Variants in DPYD observed in about 807,000 individuals in gnomAD.
DPYD encodes the protein dihydropyrimidine dehydrogenase.
DPYD carries 109 observed loss-of-function variants against 116.2 expected under a neutral mutation model. The ratio of observed to expected loss-of-function variants is 0.94; its 90% CI spans 0.80 to 1.10. The LOEUF (loss-of-function observed/expected upper bound fraction) is 1.10. Among genes scored for constraint, DPYD ranks in the 50% least tolerant of loss-of-function variants. The pLI is 0.00. For synonymous variants in DPYD, 440 were observed against 432.0 expected (o/e 1.02, Z -0.23); for missense variants, 1,302 against 1,254.5 (o/e 1.04, Z -0.57).
chr1:97,103,851 C>T (rs1385689664), intron 20 of DPYD, among the ~76,000 whole-genome samples: 1 of 152,072 alleles, frequency 6.6e-6, no homozygotes, highest in Non-Finnish European at 1.5e-5. Flanking sequence ...AAATGCATGC[C>T]TGCCAATTTA....
At chr1:97,578,353 G>A (rs1419603668) in intron 10 of DPYD, among the ~76,000 whole-genome samples, 5 of 151,912 alleles carry the variant, frequency 3.3e-5, no homozygotes, top group South Asian at 4.1e-4. Context: ...GCTTCAAACC[G>A]ACTTTGTCTC....
intron 20 of DPYD, among the ~76,000 whole-genome samples, chr1:97,141,344 G>T (rs969938618): frequency 6.6e-6 from 1 of 151,986 alleles, no homozygotes. Context: ...TTACCTCCCT[G>T]ACTTTGTCTC....
At chr1:97,228,227 T>C (rs1255176845) in intron 19 of DPYD, among the ~76,000 whole-genome samples, 1 of 151,954 alleles carries the variant, frequency 6.6e-6, no homozygotes, top group East Asian at 1.9e-4. Context: ...TACATATTTA[T>C]TAAAAAATGA....
chr1:97,300,599 A>C (rs373049844), intron 18 of DPYD, among the ~76,000 whole-genome samples: 16 of 152,062 alleles, frequency 1.1e-4, no homozygotes, highest in African/African-American at 3.6e-4. Context: ...TTAAAGAAAA[A>C]TGTAACTAAA....
intron 13 of DPYD, among the ~76,000 whole-genome samples, chr1:97,465,457 C>A (rs1677263544): frequency 6.6e-6 from 1 of 152,146 alleles, no homozygotes; most frequent in African/African-American, 2.4e-5. Context: ...CAAATCTCAT[C>A]TTGAATTCCC....
chr1:97,799,063 C>T (rs747548351), intron 3 of DPYD, among the ~76,000 whole-genome samples: 6 of 151,858 alleles, frequency 4.0e-5, no homozygotes, highest in Admixed American at 2.0e-4. Context: ...ATTCATATTC[C>T]TTTCTATGGC....
chr1:97,907,636 ATCCCC>A (rs1673704576), intron 1 of DPYD, among the ~76,000 whole-genome samples: 1 of 152,112 alleles, frequency 6.6e-6, no homozygotes, highest in African/African-American at 2.4e-5. Context: ...AATGTTAGTT[ATCCCC>A]AGTCTCATTT....
intron 18 of DPYD, among the ~76,000 whole-genome samples, chr1:97,279,586 C>A (rs999463012): frequency 6.6e-6 from 1 of 152,178 alleles, no homozygotes; most frequent in Non-Finnish European, 1.5e-5. Flanking sequence ...TCTTGGGTCA[C>A]CGCAACCTCC....
chr1:97,134,285 A>G (rs962680774), intron 20 of DPYD, among the ~76,000 whole-genome samples: 1 of 151,934 alleles, frequency 6.6e-6, no homozygotes, highest in Non-Finnish European at 1.5e-5. Context: ...AAATAACCCT[A>G]TTAAACCTGA....
chr1:97,781,753 A>C (rs1666760631), intron 3 of DPYD, among the ~76,000 whole-genome samples: 1 of 152,212 alleles, frequency 6.6e-6, no homozygotes, highest in Non-Finnish European at 1.5e-5. Context: ...AACCCTAAAA[A>C]TTATACAAAT....
At chr1:97,226,699 A>G (rs1328118253) in intron 19 of DPYD, among the ~76,000 whole-genome samples, 4 of 152,204 alleles carry the variant, frequency 2.6e-5, no homozygotes, top group Non-Finnish European at 5.9e-5. Context: ...TGAAAATTAT[A>G]AAACATGAAT....
chr1:97,505,137 A>C (rs539292576), intron 13 of DPYD, among the ~76,000 whole-genome samples: 2 of 152,176 alleles, frequency 1.3e-5, no homozygotes, highest in East Asian at 3.9e-4. Flanking sequence ...GTCAGAAAAG[A>C]GAGTTTGTAT....
At chr1:97,144,814 T>C (rs75985934) in intron 20 of DPYD, among the ~76,000 whole-genome samples, 10 of 152,326 alleles carry the variant, frequency 6.6e-5, no homozygotes, top group African/African-American at 2.4e-4. Context: ...TGATAACAAT[T>C]ATTCTTAGCT....
intron 21 of DPYD, among the ~76,000 whole-genome samples, chr1:97,096,170 T>C (rs1408403944): frequency 1.3e-5 from 2 of 152,214 alleles, no homozygotes; most frequent in South Asian, 2.1e-4. Context: ...GACTTCACAA[T>C]TCTTTGGTTT....
chr1:97,089,928 G>A (rs1309617470), intron 21 of DPYD, among the ~76,000 whole-genome samples: 1 of 150,978 alleles, frequency 6.6e-6, no homozygotes, highest in African/African-American at 2.4e-5. Flanking sequence ...CTAGTCCCTG[G>A]ATAACACTGG....
chr1:97,211,159 C>T (rs1021635862), intron 19 of DPYD, among the ~76,000 whole-genome samples: 5 of 152,188 alleles, frequency 3.3e-5, no homozygotes, highest in African/African-American at 1.2e-4. Flanking sequence ...TGATCTGGTC[C>T]TGCCTCGTTG....
intron 12 of DPYD, among the ~76,000 whole-genome samples, chr1:97,534,555 T>A (rs1452636523): frequency 1.3e-5 from 2 of 152,242 alleles, no homozygotes; most frequent in South Asian, 4.1e-4. Flanking sequence ...AGGCATTACA[T>A]TTTTTTCTTT....
intron 16 of DPYD, among the ~76,000 whole-genome samples, chr1:97,324,247 G>T (rs1215015280): frequency 6.6e-6 from 1 of 151,924 alleles, no homozygotes; most frequent in African/African-American, 2.4e-5. Flanking sequence ...ACTTCTGACA[G>T]CCAGTCAGTT....
chr1:97,711,119 C>T (rs1662260890), intron 5 of DPYD, among the ~76,000 whole-genome samples: 1 of 151,702 alleles, frequency 6.6e-6, no homozygotes, highest in Non-Finnish European at 1.5e-5. Flanking sequence ...TAAAAATCTT[C>T]GACTTTAGGT....
Sources: gnomAD v4.1 joint callset for allele counts (sites outside exome capture counted in the v4.1 genomes callset) on GRCh38, gnomAD v4.1.1 for gene constraint, MANE v1.5 for transcripts, NCBI Gene and HGNC (gene_info 2026-07-23, HGNC 2026-07-21) for gene names.